The following ZDHHC11B variants were observed in gnomAD, a reference collection of about 807,000 sequenced individuals.
The protein encoded by ZDHHC11B is zDHHC palmitoyltransferase 11B (putative).
Under a neutral mutation model 42.3 loss-of-function variants are expected in ZDHHC11B, and 17 were observed. The ratio of observed to expected loss-of-function variants is 0.40; its 90% CI spans 0.27 to 0.60. The LOEUF (loss-of-function observed/expected upper bound fraction) is 0.60, where lower values mean the gene tolerates loss of function less well. Ranked by LOEUF, ZDHHC11B falls within the 20% of genes least tolerant of loss-of-function variation. The pLI, the probability that ZDHHC11B is intolerant of heterozygous loss-of-function variation, is 0.41. For missense variants in ZDHHC11B, 262 were observed against 463.2 expected (o/e 0.57, Z 3.99); for synonymous variants, 123 against 193.5 (o/e 0.64, Z 3.02).
rs144816582 is a variant in ZDHHC11B, at chr5:759,002, C to T, written c.223-2858G>A. On this transcript the variant is annotated intron_variant, in intron 4 of 13. Coordinates refer to ENST00000508859, the MANE Select transcript of ZDHHC11B (RefSeq NM_001351303.2). ...GGGGAGCCCCGGGATAGAGATGACA[C>T]GGAGCACCGTGTTCTCAATTTTCTC... is the stretch of plus-strand genomic sequence containing the variant. Among the ~76,000 whole-genome samples the T allele has an allele frequency of 5.6e-3, 851 of 151,680 alleles. 1 individual carries two copies. The highest frequency in any genetic ancestry group is 0.011 in the Admixed American group (174 of 15,194).
intron 9 of ZDHHC11B, among the ~76,000 whole-genome samples, chr5:744,472 T>G: frequency 6.7e-6 from 1 of 149,016 alleles, no homozygotes; most frequent in Non-Finnish European, 1.5e-5. Context: ...AATTAGTAGT[T>G]TAGTCTCTTG....
At chr5:725,214 C>CCGGA in intron 12 of ZDHHC11B, among the ~76,000 whole-genome samples, 1 of 150,584 alleles carries the variant, frequency 6.6e-6, no homozygotes, top group African/African-American at 2.5e-5. Flanking sequence ...ATCGGAGAAC[C>CCGGA]AGGAAGGGGC....
chr5:753,615 C>T (rs371155158), intron 6 of ZDHHC11B, among the ~76,000 whole-genome samples: 10,366 of 144,050 alleles, frequency 0.072, 75 homozygotes, highest in East Asian at 0.16. Context: ...TAGCATGAGC[C>T]AGAGGAGCTG....
rs1161660578 is a variant in ZDHHC11B at position 711,989 on chromosome 5, G to A, written c.*301C>T. ...CTGGCTGGACAGCACAGTTAAGCAGGTGGCTGCATCCTCTGCAGTTGCTGG... is the reference window on the plus strand; with the variant it reads ...CTGGCTGGACAGCACAGTTAAGCAGATGGCTGCATCCTCTGCAGTTGCTGG... On this transcript the variant is annotated 3_prime_UTR_variant, in exon 14 of 14. Coordinates refer to ENST00000508859, the MANE Select transcript of ZDHHC11B (RefSeq NM_001351303.2). 7.4e-6 allele frequency: 1 copy of A among 134,966 alleles called. No individual in the cohort carries two copies. The highest frequency in any genetic ancestry group is 2.9e-5 in the African/African-American group (1 of 34,998). The allele number at this position is 134,966 out of a possible 1,614,324, so 8.4% of individuals were successfully genotyped here.
chr5:756,178 T>C (rs1319338933), intron 4 of ZDHHC11B, 34 bp from the exon 5 acceptor site: 1 of 1,357,730 alleles, frequency 7.4e-7, no homozygotes, highest in Non-Finnish European at 1.0e-6. Flanking sequence ...GCCCAGGGCC[T>C]GGTCAGCCTG....
intron 9 of ZDHHC11B, among the ~76,000 whole-genome samples, chr5:743,714 T>C (rs1285684584): frequency 6.7e-6 from 1 of 149,958 alleles, no homozygotes; most frequent in East Asian, 2.0e-4. Flanking sequence ...TGGATCGAGA[T>C]GTGCGAGTGT....
intron 11 of ZDHHC11B, among the ~76,000 whole-genome samples, chr5:730,719 G>C (rs1742958351): frequency 6.6e-6 from 1 of 151,662 alleles, no homozygotes; most frequent in South Asian, 2.1e-4. Context: ...CTCAGAATGT[G>C]ACTATATGTG....
Position 724,444 on chromosome 5 carries a change from C to T in ZDHHC11B, c.1058+5990G>A, listed in dbSNP as rs1206741774. Among the ~76,000 whole-genome samples, 10 of 130,116 alleles carry T rather than the reference C, an allele frequency of 7.7e-5. 1 individual carries two copies. The highest frequency in any genetic ancestry group is 2.0e-4 in the African/African-American group (7 of 34,900). The allele number at this position is 130,116 out of a possible 152,430, so 85.4% of individuals were successfully genotyped here. Reference sequence around the variant, plus strand: ...AGGCTGGAGTGCAGTGGCACAATCTCGGCTCACTGCAAGCTCCGCCTCCTG... The same window carrying T: ...AGGCTGGAGTGCAGTGGCACAATCTTGGCTCACTGCAAGCTCCGCCTCCTG... On this transcript the variant is annotated intron_variant, in intron 12 of 13. Coordinates refer to ENST00000508859, the MANE Select transcript of ZDHHC11B (RefSeq NM_001351303.2).
intron 10 of ZDHHC11B, among the ~76,000 whole-genome samples, chr5:736,403 A>G (rs1273144498): frequency 6.0e-5 from 9 of 149,758 alleles, no homozygotes; most frequent in African/African-American, 2.0e-4. Flanking sequence ...ATAGCACTAG[A>G]CAGGTCATCA....
In ZDHHC11B at chr5:716,781, T is replaced by G. The variant is rs766037754; in HGVS notation, c.*7+20A>C. 1 of 1,612,710 alleles carries G rather than the reference T, an allele frequency of 6.2e-7. No individual in the cohort carries two copies. The highest frequency in any genetic ancestry group is 8.5e-7 in the Non-Finnish European group (1 of 1,179,340). On this transcript the variant is annotated intron_variant, in intron 13 of 13. Coordinates refer to ENST00000508859, the MANE Select transcript of ZDHHC11B (RefSeq NM_001351303.2). ...AACTTGGGTAGATTTCAACATGACC[T>G]GCACTGCCACGTATCTTACCCGAAT... is the stretch of plus-strand genomic sequence containing the variant.
chr5:752,549 A>C (rs866663273), intron 6 of ZDHHC11B, among the ~76,000 whole-genome samples: 1,041 of 84,630 alleles, frequency 0.012, 15 homozygotes, highest in African/African-American at 0.034. Flanking sequence ...ATGTTCACCT[A>C]AGCTTGTTTA....
At chr5:726,944 C>T (rs1212476671) in intron 12 of ZDHHC11B, among the ~76,000 whole-genome samples, 1 of 126,632 alleles carries the variant, frequency 7.9e-6, no homozygotes, top group Non-Finnish European at 1.7e-5. Context: ...ATAGGCTATA[C>T]TTCAAAGTAA....
chr5:766,974 C>T (rs750497437), intron 3 of ZDHHC11B, 55 bp from the exon 4 acceptor site: 4 of 1,579,434 alleles, frequency 2.5e-6, no homozygotes, highest in East Asian at 4.5e-5. Flanking sequence ...AGGGCCGGCC[C>T]CACCCACTGT....
At chr5:758,729 C>T (rs1196026422) in intron 4 of ZDHHC11B, among the ~76,000 whole-genome samples, 1 of 151,806 alleles carries the variant, frequency 6.6e-6, no homozygotes, top group East Asian at 1.9e-4. Context: ...CTCCCTGGGA[C>T]TCAAAGCTTT....
At chr5:724,462 G>A (rs1199611270) in intron 12 of ZDHHC11B, among the ~76,000 whole-genome samples, 1 of 128,284 alleles carries the variant, frequency 7.8e-6, no homozygotes, top group Non-Finnish European at 1.6e-5. Flanking sequence ...TGCAAGCTCC[G>A]CCTCCTGGGT....
At chr5:720,754 T>C (rs1405166944) in intron 12 of ZDHHC11B, among the ~76,000 whole-genome samples, 1 of 151,614 alleles carries the variant, frequency 6.6e-6, no homozygotes, top group African/African-American at 2.4e-5. Context: ...ATGTAATCAA[T>C]GACAATGGCA....
At chr5:719,231 T>C (rs2126960507) in intron 12 of ZDHHC11B, among the ~76,000 whole-genome samples, 1 of 151,772 alleles carries the variant, frequency 6.6e-6, no homozygotes, top group South Asian at 2.1e-4. Flanking sequence ...CACATTATGA[T>C]ACACAGAATA....
chr5:747,353 A>C (rs1409022559), intron 8 of ZDHHC11B: 1 of 142,006 alleles, frequency 7.0e-6, no homozygotes, highest in African/African-American at 2.5e-5. Context: ...CAGCACATTC[A>C]GCTCTGTGTC....
At chr5:712,562 G>A (rs1395819462) in intron 13 of ZDHHC11B, among the ~76,000 whole-genome samples, 12 of 123,936 alleles carry the variant, frequency 9.7e-5, no homozygotes, top group Non-Finnish European at 1.9e-4. Context: ...GTTATTCTTC[G>A]GAAATACATC....
Sources: gnomAD v4.1 joint callset for allele counts (sites outside exome capture counted in the v4.1 genomes callset) on GRCh38, gnomAD v4.1.1 for gene constraint, MANE v1.5 for transcripts, NCBI Gene and HGNC (gene_info 2026-07-23, HGNC 2026-07-21) for gene names.